The following MTMR3 variants were observed in gnomAD, a reference collection of about 807,000 sequenced individuals.
MTMR3 encodes phosphatidylinositol-3,5-bisphosphate 3-phosphatase MTMR3.
MTMR3 carries 32 observed loss-of-function variants against 132.4 expected under a neutral mutation model. The ratio of observed to expected loss-of-function variants is 0.24; its 90% CI spans 0.18 to 0.32. The LOEUF is 0.32. Ranked by LOEUF, MTMR3 falls within the 10% of genes least tolerant of loss-of-function variation. MTMR3 has a pLI of 1.00. For missense variants in MTMR3, 1,216 were observed against 1,489.6 expected, an observed-to-expected ratio of 0.82 and a Z score of 3.02; for synonymous variants, 556 against 550.3, an observed-to-expected ratio of 1.01 and a Z score of -0.14.
rs200516142 is a variant in MTMR3, at chr22:30,020,312, T to C, written c.2653T>C (p.Ser885Pro). 9.9e-6 allele frequency: 16 copies of C among 1,614,082 alleles called. No homozygotes were observed. The highest frequency in any genetic ancestry group is 1.0e-5 in the Non-Finnish European group (12 of 1,180,046). Residue 885 changes from serine (S) to proline (P), a missense_variant, in exon 17 of 20, where the codon TCA becomes CCA. Ser to Pro is a moderately conservative substitution (Grantham distance 74). Transcript: ENST00000401950. Reference protein sequence around the residue: ...RLPQTMEPSPSETSLVERPQV... With the variant: ...RLPQTMEPSPPETSLVERPQV... Reference sequence around the variant, plus strand: ...TCCTCAGACCATGGAACCCAGCCCTTCAGAGACAAGCCTGGTCGAGAGGCC... The same window carrying C: ...TCCTCAGACCATGGAACCCAGCCCTCCAGAGACAAGCCTGGTCGAGAGGCC...
intron 1 of MTMR3, among the ~76,000 whole-genome samples, chr22:29,950,556 G>A (rs2066055857): frequency 1.3e-5 from 2 of 151,962 alleles, no homozygotes; most frequent in South Asian, 2.1e-4. Context: ...TAGAGACGGG[G>A]TTTCACCATG....
At chr22:29,940,303 C>T (rs577846371) in intron 1 of MTMR3, among the ~76,000 whole-genome samples, 2 of 152,084 alleles carry the variant, frequency 1.3e-5, no homozygotes, top group Non-Finnish European at 2.9e-5. Flanking sequence ...ATTCTCCCTG[C>T]GCTTGAGAAT....
chr22:29,909,176 A>G (rs1389611774), intron 1 of MTMR3, among the ~76,000 whole-genome samples: 1 of 151,904 alleles, frequency 6.6e-6, no homozygotes, highest in African/African-American at 2.4e-5. Context: ...TGCCCAGACT[A>G]GTCTCAAACT....
At chr22:30,022,200 C>T (rs890194625) in intron 18 of MTMR3, 61 bp downstream of exon 18, 4 of 1,340,578 alleles carry the variant, frequency 3.0e-6, no homozygotes, top group Non-Finnish European at 4.3e-6. Context: ...TTCTTCTCCA[C>T]CCCCATTCCC....
chr22:30,003,274 A>C (rs1261404381), intron 9 of MTMR3: 6 of 269,220 alleles, frequency 2.2e-5, no homozygotes, highest in Non-Finnish European at 3.5e-5. Flanking sequence ...TTCTGTGAGA[A>C]GATAATGTGC....
intron 3 of MTMR3, among the ~76,000 whole-genome samples, chr22:29,974,806 TTA>T (rs2145878240): frequency 6.6e-6 from 1 of 152,312 alleles, no homozygotes; most frequent in South Asian, 2.1e-4. Context: ...CCTTATGAGT[TTA>T]TGTGAGGTAA....
chr22:29,957,400 T>G (rs967678488), intron 2 of MTMR3, among the ~76,000 whole-genome samples: 1 of 151,154 alleles, frequency 6.6e-6, no homozygotes, highest in East Asian at 1.9e-4. Context: ...TAAATAGATT[T>G]ATCAATCTCC....
rs2066424680 is a variant in MTMR3, at chr22:29,966,729, G to GCGTGCC, written c.-84-4247_-84-4246insCGTGCC. ...ACTGGTGACCTGTAGGGGTGTGCGT[G>GCGTGCC]TGTGTGTGTGTGTGTGTGTGTGTGT... On this transcript the variant is annotated intron_variant, in intron 2 of 19. Coordinates refer to ENST00000401950, the MANE Select transcript of MTMR3 (RefSeq NM_021090.4). 1.6e-4 allele frequency among the ~76,000 whole-genome samples: 3 copies of GCGTGCC among 18,772 alleles called. No individual in the cohort carries two copies. In the South Asian group the frequency reaches 9.9e-3, roughly 62 times the overall value. The allele number at this position is 18,772 out of a possible 152,430, so 12.3% of individuals were successfully genotyped here. A position where few individuals can be genotyped will look rare whatever the true frequency, so the allele number is the denominator to read the frequency against.
At chr22:29,941,895 T>C (rs960149097) in intron 1 of MTMR3, among the ~76,000 whole-genome samples, 1 of 152,156 alleles carries the variant, frequency 6.6e-6, no homozygotes, top group East Asian at 1.9e-4. Flanking sequence ...GGTAGGAAGA[T>C]CCCTTGAGTC....
At chr22:29,913,687 T>G (rs1736057272) in intron 1 of MTMR3, among the ~76,000 whole-genome samples, 1 of 152,182 alleles carries the variant, frequency 6.6e-6, no homozygotes, top group Admixed American at 6.5e-5. Context: ...TGTATGGATA[T>G]TCCACAATTC....
At chr22:29,991,107 A>C (rs1423179343) in intron 6 of MTMR3, 1 of 154,090 alleles carries the variant, frequency 6.5e-6, no homozygotes, top group Non-Finnish European at 1.4e-5. Flanking sequence ...ACTTGATCTA[A>C]TATGTTACTA....
At chr22:30,013,832 G>T in intron 14 of MTMR3, 1 of 287,248 alleles carries the variant, frequency 3.5e-6, no homozygotes, top group South Asian at 3.5e-5. Context: ...AGAATGTCTG[G>T]ACCATACTCC....
At chr22:30,016,452 A>G (rs868799045) in intron 14 of MTMR3, 76 bp from the exon 15 acceptor site, 6 of 1,499,166 alleles carry the variant, frequency 4.0e-6, no homozygotes, top group Non-Finnish European at 2.7e-6. Context: ...TGTTAGGATA[A>G]GGTGGCTCAG....
chr22:29,903,563 G>GT (rs1328684930), intron 1 of MTMR3, among the ~76,000 whole-genome samples: 8 of 150,516 alleles, frequency 5.3e-5, no homozygotes, highest in African/African-American at 1.2e-4. Context: ...AATTTTTGTG[G>GT]TTTTTTTTGC....
rs188748182 is a variant in MTMR3 at position 30,029,757 on chromosome 22, A to C, written c.*3956A>C. On this transcript the variant is annotated 3_prime_UTR_variant, in exon 20 of 20. Coordinates refer to ENST00000401950, the MANE Select transcript of MTMR3 (RefSeq NM_021090.4). ...TGCAGTAGGTGAGGGCTAACAGCAG[A>C]ATTTAAAGTGGACCCTGGGCTGTGG... 1 of 152,518 alleles carries C rather than the reference A, an allele frequency of 6.6e-6. No homozygotes were observed. The highest frequency in any genetic ancestry group is 1.9e-4 in the East Asian group (1 of 5,332). The allele number at this position is 152,518 out of a possible 1,614,324, so 9.4% of individuals were successfully genotyped here. A position where few individuals can be genotyped will look rare whatever the true frequency, so the allele number is the denominator to read the frequency against.
intron 1 of MTMR3, among the ~76,000 whole-genome samples, chr22:29,887,321 C>T (rs1221123956): frequency 6.6e-6 from 1 of 152,128 alleles, no homozygotes; most frequent in East Asian, 1.9e-4. Context: ...GGAAGAAGAG[C>T]AACTTTTCTA....
chr22:29,982,975 G>GTGTGTGTGTA, intron 5 of MTMR3: 1 of 143,750 alleles, frequency 7.0e-6, no homozygotes, highest in African/African-American at 2.5e-5. Context: ...GTGTGTGTGT[G>GTGTGTGTGTA]TATGTGTTTG....
At chr22:29,957,371 A>ACT (rs2066217496) in intron 2 of MTMR3, among the ~76,000 whole-genome samples, 1 of 150,766 alleles carries the variant, frequency 6.6e-6, no homozygotes, top group Admixed American at 6.6e-5. Context: ...GAGTTGCAGC[A>ACT]CTAATCATTT....
intron 3 of MTMR3, among the ~76,000 whole-genome samples, chr22:29,976,549 A>G (rs1040876611): frequency 6.6e-6 from 1 of 152,212 alleles, no homozygotes; most frequent in African/African-American, 2.4e-5. Flanking sequence ...AGGATTTAAT[A>G]AATAGAATTT....
Sources: allele counts gnomAD v4.1 joint callset (sites outside exome capture counted in the v4.1 genomes callset), GRCh38; gene constraint gnomAD v4.1.1; transcripts MANE v1.5; gene names NCBI Gene and HGNC (gene_info 2026-07-23, HGNC 2026-07-21).